The following OR1J1 variants were observed in gnomAD, a reference collection of about 807,000 sequenced individuals.
OR1J1 encodes olfactory receptor family 1 subfamily J member 1, also known as olfactory receptor 1J1.
For synonymous variants in OR1J1, 165 were observed against 157.2 expected (o/e 1.05, Z -0.37); for missense variants, 392 against 393.9 (o/e 1.00, Z 0.04).
Position 122,477,589 on chromosome 9 carries a change from AAACTGTCTAAGT to A in OR1J1, c.326_337del (p.Asp109_Phe113delinsVal). On this transcript the variant is annotated inframe_deletion, in exon 1 of 1. Transcript: ENST00000259357. ...GTCATATGCCATTGAAGTGATAAGG[AAACTGTCTAAGT>A]CAGCAAAAAATATGAAAAAATATGT... The A allele has an allele frequency of 1.9e-6, 3 of 1,614,232 alleles. No individual in the cohort carries two copies. The highest frequency in any genetic ancestry group is 1.6e-4 in the Middle Eastern group (1 of 6,062).
rs1839593428 is a variant in OR1J1, at chr9:122,477,820, A to G, written c.107T>C (p.Leu36Pro). 1 of 1,614,040 alleles carries G rather than the reference A, an allele frequency of 6.2e-7. No individual in the cohort carries two copies. The highest frequency in any genetic ancestry group is 8.5e-7 in the Non-Finnish European group (1 of 1,180,030). Residue 36 changes from leucine to proline, a missense_variant, in exon 1 of 1, where the codon CTG becomes CCG. Physicochemically the swap from Leu to Pro is moderately conservative, Grantham distance 98. Coordinates refer to ENST00000259357, the MANE Select transcript of OR1J1 (RefSeq NM_001004451.1). Reference protein sequence around the residue: ...VFFALFLGMYLTTVLGNLLIM... With the variant: ...VFFALFLGMYPTTVLGNLLIM... ...GAGCAGGTTCCCCAGCACCGTGGTC[A>G]GGTACATGCCCAGGAACAGGGCGAA...
chr9:122,477,114 G>A lies in OR1J1; in HGVS notation c.813C>T (p.Asn271=), dbSNP rs776257072. 6.2e-7 allele frequency: 1 copy of A among 1,613,856 alleles called. No individual in the cohort carries two copies. Among genetic ancestry groups the A allele is most frequent in the Non-Finnish European group, 8.5e-7 (1 of 1,179,724 alleles). The change falls in exon 1 of 1, where the codon AAC becomes AAT. Residue 271 remains asparagine (N), a synonymous_variant. Transcript: ENST00000259357. Reference sequence around the variant, plus strand: ...CTGTGTATATCACTGAAGCAATTATGTTCTTGTCATTGGTGTTGCTGGATG... The same window carrying A: ...CTGTGTATATCACTGAAGCAATTATATTCTTGTCATTGGTGTTGCTGGATG... The part of the protein sequence containing the change: ...LPPSSNTNDK[N]IIASVIYTAV...
In OR1J1 at chr9:122,477,230, C is replaced by A. The variant is rs772487342; in HGVS notation, c.697G>T (p.Gly233Cys). The change falls in exon 1 of 1, where the codon GGC becomes TGC. Residue 233 changes from glycine (G) to cysteine (C), a missense_variant. By Grantham distance (159) the Gly-to-Cys change is radical. Transcript: ENST00000259357. ...CAAGTGGACAAGGCTTTGCATATGCCCTTGGTAGAGGGAATCTGGAGGATG... is the reference window on the plus strand; with the variant it reads ...CAAGTGGACAAGGCTTTGCATATGCACTTGGTAGAGGGAATCTGGAGGATG... ...VTILQIPSTK[G>C]ICKALSTCGS... The A allele has an allele frequency of 6.2e-7, 1 of 1,614,020 alleles. No individual in the cohort carries two copies. The highest frequency in any genetic ancestry group is 8.5e-7 in the Non-Finnish European group (1 of 1,179,948).
Position 122,477,828 on chromosome 9 carries a change from G to T in OR1J1, c.99C>A (p.Gly33=). 1 of 1,614,024 alleles carries T rather than the reference G, an allele frequency of 6.2e-7. No individual in the cohort carries two copies. Among genetic ancestry groups the T allele is most frequent in the South Asian group, 1.1e-5 (1 of 91,060 alleles). The change falls in exon 1 of 1, where the codon GGC becomes GGA. Residue 33 remains glycine (G), a synonymous_variant. Coordinates refer to ENST00000259357, the MANE Select transcript of OR1J1 (RefSeq NM_001004451.1). ...TCCCCAGCACCGTGGTCAGGTACAT[G>T]CCCAGGAACAGGGCGAAGAACACGG... The part of the protein sequence containing the change: ...QQAVFFALFL[G]MYLTTVLGNL...
chr9:122,477,888 G>C lies in OR1J1; in HGVS notation c.39C>G (p.Leu13=). ...PENQSSVSEF[L]LLGLPIRPEQ... is the part of the protein sequence containing the mutation. The stretch of plus-strand genomic sequence containing the variant: ...CTGGCCGGATGGGGAGGCCCAGGAG[G>C]AGGAACTCGGACACGCTGCTCTGGT... The change falls in exon 1 of 1, where the codon CTC becomes CTG. Residue 13 remains leucine, a synonymous_variant. Coordinates refer to ENST00000259357, the MANE Select transcript of OR1J1 (RefSeq NM_001004451.1). 1 of 1,611,228 alleles carries C rather than the reference G, an allele frequency of 6.2e-7. No homozygotes were observed. Among genetic ancestry groups the C allele is most frequent in the South Asian group, 1.1e-5 (1 of 90,886 alleles).
In OR1J1 at chr9:122,477,206, A is replaced by C. The variant is rs1705279216; in HGVS notation, c.721T>G (p.Cys241Gly). The stretch of plus-strand genomic sequence containing the variant: ...GTCACCACTGAGAGGTGGGATCCAC[A>C]AGTGGACAAGGCTTTGCATATGCCC... ...TKGICKALSTCGSHLSVVTIY... is the reference protein window; with the variant it reads ...TKGICKALSTGGSHLSVVTIY... Residue 241 changes from cysteine (C) to glycine (G), a missense_variant, in exon 1 of 1, where the codon TGT becomes GGT. Coordinates refer to ENST00000259357, the MANE Select transcript of OR1J1 (RefSeq NM_001004451.1). 1.2e-6 allele frequency: 2 copies of C among 1,614,054 alleles called. No homozygotes were observed. The highest frequency in any genetic ancestry group is 1.7e-6 in the Non-Finnish European group (2 of 1,179,992).
Position 122,477,739 on chromosome 9 carries a change from A to G in OR1J1, c.188T>C (p.Leu63Pro). The change falls in exon 1 of 1, where the codon CTT (leucine) becomes CCT (proline). Residue 63 changes from leucine to proline, a missense_variant. Transcript: ENST00000259357. ...GATGTCAGTGAGGGCCAAGTGGCTAAGGAAGAAGTACATGGGGGTGTGAAG... is the reference window on the plus strand; with the variant it reads ...GATGTCAGTGAGGGCCAAGTGGCTAGGGAAGAAGTACATGGGGGTGTGAAG... ...SHLHTPMYFF[L>P]SHLALTDISF... The G allele has an allele frequency of 2.5e-6, 4 of 1,614,142 alleles. No homozygotes were observed. Among genetic ancestry groups the G allele is most frequent in the Non-Finnish European group, 3.4e-6 (4 of 1,180,032 alleles).
Position 122,477,571 on chromosome 9 carries a change from G to A in OR1J1, c.356C>T (p.Ala119Val). 2 of 1,614,062 alleles carry A rather than the reference G, an allele frequency of 1.2e-6. No homozygotes were observed. Among genetic ancestry groups the A allele is most frequent in the South Asian group, 1.1e-5 (1 of 91,078 alleles). The change falls in exon 1 of 1, where the codon GCA (alanine) becomes GTA (valine). Residue 119 changes from alanine (A) to valine (V), a missense_variant. Coordinates refer to ENST00000259357, the MANE Select transcript of OR1J1 (RefSeq NM_001004451.1). Reference sequence around the variant, plus strand: ...ACAGATGGCCACATACCTGTCATATGCCATTGAAGTGATAAGGAAACTGTC... The same window carrying A: ...ACAGATGGCCACATACCTGTCATATACCATTGAAGTGATAAGGAAACTGTC... ...DLDSFLITSM[A>V]YDRYVAICHP...
At position 122,477,831 on chromosome 9, in the gene OR1J1, C is replaced by G; in HGVS notation, c.96G>C (p.Leu32=). The change falls in exon 1 of 1, where the codon CTG becomes CTC. Residue 32 remains leucine (L), a synonymous_variant. Coordinates refer to ENST00000259357, the MANE Select transcript of OR1J1 (RefSeq NM_001004451.1). ...CCAGCACCGTGGTCAGGTACATGCC[C>G]AGGAACAGGGCGAAGAACACGGCCT... ...EQQAVFFALF[L]GMYLTTVLGN... The G allele has an allele frequency of 6.2e-7, 1 of 1,613,942 alleles. No homozygotes were observed. The highest frequency in any genetic ancestry group is 8.5e-7 in the Non-Finnish European group (1 of 1,180,012).
rs769440494 is a variant in OR1J1, at chr9:122,477,877, A to T, written c.50T>A (p.Leu17His). The T allele has an allele frequency of 1.2e-6, 2 of 1,611,688 alleles. No individual in the cohort carries two copies. Among genetic ancestry groups the T allele is most frequent in the South Asian group, 2.2e-5 (2 of 90,974 alleles). ...GGCCTGCTGCTCTGGCCGGATGGGG[A>T]GGCCCAGGAGGAGGAACTCGGACAC... ...SSVSEFLLLG[L>H]PIRPEQQAVF... is the part of the protein sequence containing the mutation. The change falls in exon 1 of 1, where the codon CTC becomes CAC. Residue 17 changes from leucine (L) to histidine (H), a missense_variant. Coordinates refer to ENST00000259357, the MANE Select transcript of OR1J1 (RefSeq NM_001004451.1).
chr9:122,477,186 C>T lies in OR1J1; in HGVS notation c.741G>A (p.Val247=). 6.2e-7 allele frequency: 1 copy of T among 1,614,102 alleles called. No homozygotes were observed. The highest frequency in any genetic ancestry group is 8.5e-7 in the Non-Finnish European group (1 of 1,180,004). Residue 247 remains valine (V), a synonymous_variant, in exon 1 of 1, where the codon GTG becomes GTA. Transcript: ENST00000259357. ...ALSTCGSHLS[V]VTIYYRTIIG... The stretch of plus-strand genomic sequence containing the variant: ...TAATTGTCCGATAATAGATAGTCAC[C>T]ACTGAGAGGTGGGATCCACAAGTGG...
At position 122,477,669 on chromosome 9, in the gene OR1J1, C is replaced by G. The variant is rs749487098; in HGVS notation, c.258G>C (p.Gln86His). ...VTVPKMLMNM[Q>H]TQHLAVFYKG... ...TGTAAAAGACGGCTAGGTGCTGAGT[C>G]TGCATGTTCATCAGCATCTTAGGGA... Residue 86 changes from glutamine to histidine, a missense_variant, in exon 1 of 1, where the codon CAG becomes CAC. By Grantham distance (24) the Gln-to-His change is conservative (BLOSUM62 0). Coordinates refer to ENST00000259357, the MANE Select transcript of OR1J1 (RefSeq NM_001004451.1). 5 of 1,614,190 alleles carry G rather than the reference C, an allele frequency of 3.1e-6. No homozygotes were observed. Among genetic ancestry groups the G allele is most frequent in the Non-Finnish European group, 2.5e-6 (3 of 1,180,028 alleles).
Position 122,477,776 on chromosome 9 carries a change from G to A in OR1J1, c.151C>T (p.Leu51=). The change falls in exon 1 of 1, where the codon CTA becomes TTA. Residue 51 remains leucine, a synonymous_variant. Coordinates refer to ENST00000259357, the MANE Select transcript of OR1J1 (RefSeq NM_001004451.1). Reference sequence around the variant, plus strand: ...ATGGGGGTGTGAAGGTGAGAGTCTAGCTGGATGAGCAGCATGATGAGCAGG... The same window carrying A: ...ATGGGGGTGTGAAGGTGAGAGTCTAACTGGATGAGCAGCATGATGAGCAGG... ...GNLLIMLLIQ[L]DSHLHTPMYF... The A allele has an allele frequency of 1.2e-6, 2 of 1,614,036 alleles. No individual in the cohort carries two copies. The highest frequency in any genetic ancestry group is 1.1e-5 in the South Asian group (1 of 91,060).
rs1839584912 is a variant in OR1J1 at position 122,477,535 on chromosome 9, T to C, written c.392A>G (p.His131Arg). The C allele has an allele frequency of 6.2e-7, 1 of 1,614,046 alleles. No individual in the cohort carries two copies. The highest frequency in any genetic ancestry group is 1.3e-5 in the African/African-American group (1 of 74,998). Residue 131 changes from histidine to arginine, a missense_variant, in exon 1 of 1, where the codon CAT (histidine) becomes CGT (arginine). His to Arg is a conservative substitution (Grantham distance 29). Coordinates refer to ENST00000259357, the MANE Select transcript of OR1J1 (RefSeq NM_001004451.1). ...DRYVAICHPL[H>R]YATIMTQSQC... ...GCTCTGAGTCATGATGGTGGCATAA[T>C]GTAGAGGATGACAGATGGCCACATA...
rs1564173909 is a variant in OR1J1, at chr9:122,477,822, G to T, written c.105C>A (p.Tyr35Ter). The T allele has an allele frequency of 6.2e-7, 1 of 1,613,902 alleles. No individual in the cohort carries two copies. Among genetic ancestry groups the T allele is most frequent in the Non-Finnish European group, 8.5e-7 (1 of 1,180,040 alleles). The change falls in exon 1 of 1, where the codon TAC becomes TAA. Residue 35 changes from tyrosine to a stop codon, truncating the protein, a stop_gained. Transcript: ENST00000259357. LOFTEE classifies it low-confidence loss of function (END_TRUNC). ...GCAGGTTCCCCAGCACCGTGGTCAG[G>T]TACATGCCCAGGAACAGGGCGAAGA... is the stretch of plus-strand genomic sequence containing the variant. ...AVFFALFLGM[Y>*]LTTVLGNLLI...
chr9:122,477,248 GGAGGATGGT>G lies in OR1J1; in HGVS notation c.670_678del (p.Thr224_Leu226del). On this transcript the variant is annotated inframe_deletion, in exon 1 of 1. Coordinates refer to ENST00000259357, the MANE Select transcript of OR1J1 (RefSeq NM_001004451.1). Reference sequence around the variant, plus strand: ...CATATGCCCTTGGTAGAGGGAATCTGGAGGATGGTGACCCCAATGTGACCATAAGAAACC... The same window carrying G: ...CATATGCCCTTGGTAGAGGGAATCTGGACCCCAATGTGACCATAAGAAACC... 1 of 1,614,068 alleles carries G rather than the reference GGAGGATGGT, an allele frequency of 6.2e-7. No individual in the cohort carries two copies.
Position 122,477,734 on chromosome 9 carries a change from G to T in OR1J1, c.193C>A (p.His65Asn), listed in dbSNP as rs1404407126. The change falls in exon 1 of 1, where the codon CAC (histidine) becomes AAC (asparagine). Residue 65 changes from histidine (H) to asparagine (N), a missense_variant. By Grantham distance (68) the His-to-Asn change is moderately conservative. Transcript: ENST00000259357. ...LHTPMYFFLSHLALTDISFSS... is the reference protein window; with the variant it reads ...LHTPMYFFLSNLALTDISFSS... ...AAGGAGATGTCAGTGAGGGCCAAGT[G>T]GCTAAGGAAGAAGTACATGGGGGTG... 2 of 1,614,162 alleles carry T rather than the reference G, an allele frequency of 1.2e-6. No individual in the cohort carries two copies. The highest frequency in any genetic ancestry group is 2.2e-5 in the South Asian group (2 of 91,080).
Position 122,477,591 on chromosome 9 carries a change from A to G in OR1J1, c.336T>C (p.Ser112=), listed in dbSNP as rs1477482382. Residue 112 remains serine (S), a synonymous_variant, in exon 1 of 1, where the codon AGT becomes AGC. Coordinates refer to ENST00000259357, the MANE Select transcript of OR1J1 (RefSeq NM_001004451.1). ...YFFIFFADLD[S]FLITSMAYDR... ...CATATGCCATTGAAGTGATAAGGAA[A>G]CTGTCTAAGTCAGCAAAAAATATGA... The G allele has an allele frequency of 6.2e-7, 1 of 1,614,162 alleles. No homozygotes were observed. Among genetic ancestry groups the G allele is most frequent in the Admixed American group, 1.7e-5 (1 of 60,026 alleles).
chr9:122,477,204 A>G lies in OR1J1; in HGVS notation c.723T>C (p.Cys241=), dbSNP rs746621562. The part of the protein sequence containing the change: ...TKGICKALST[C]GSHLSVVTIY... Reference sequence around the variant, plus strand: ...TAGTCACCACTGAGAGGTGGGATCCACAAGTGGACAAGGCTTTGCATATGC... The same window carrying G: ...TAGTCACCACTGAGAGGTGGGATCCGCAAGTGGACAAGGCTTTGCATATGC... Residue 241 remains cysteine, a synonymous_variant, in exon 1 of 1, where the codon TGT becomes TGC. Coordinates refer to ENST00000259357, the MANE Select transcript of OR1J1 (RefSeq NM_001004451.1). The G allele has an allele frequency of 1.2e-6, 2 of 1,614,104 alleles. No individual in the cohort carries two copies. The highest frequency in any genetic ancestry group is 8.5e-7 in the Non-Finnish European group (1 of 1,180,022).
Sources: gnomAD v4.1 joint callset for allele counts on GRCh38, gnomAD v4.1.1 for gene constraint, MANE v1.5 for transcripts, NCBI Gene and HGNC (gene_info 2026-07-23, HGNC 2026-07-21) for gene names.